PCDHGA3: variants seen among roughly 807,000 people sequenced by gnomAD.
PCDHGA3 encodes protocadherin gamma-A3.
Under a neutral mutation model 58.5 loss-of-function variants are expected in PCDHGA3, and 40 were observed. The ratio of observed to expected loss-of-function variants is 0.68; its 90% CI spans 0.53 to 0.89. The LOEUF is 0.89. Among genes scored for constraint, PCDHGA3 ranks in the 40% least tolerant of loss-of-function variants. The probability of loss-of-function intolerance (pLI) is 0.00; values close to 1 mark genes in which losing one functional copy is unlikely to be tolerated. For missense variants in PCDHGA3, 1,223 were observed against 1,195.9 expected (o/e 1.02, Z -0.33); for synonymous variants, 530 against 525.7 (o/e 1.01, Z -0.11).
chr5:141,419,258 C>G lies in PCDHGA3; in HGVS notation c.2424+72801C>G, dbSNP rs761740232. The G allele has an allele frequency of 2.5e-6, 4 of 1,614,028 alleles. No individual in the cohort carries two copies. The Admixed American group carries it at 6.7e-5, about 27-fold the overall frequency. ...GGTCCACGTGCCAGAAAACAACCAG[C>G]CGGGTGCCTCCATAGCGCAAGTCAG... On this transcript the variant is annotated intron_variant, in intron 1 of 3. Transcript: ENST00000253812.
intron 1 of PCDHGA3, chr5:141,384,826 G>T: frequency 6.2e-7 from 1 of 1,613,472 alleles, no homozygotes; most frequent in Non-Finnish European, 8.5e-7. Context: ...GCAGAGCCTC[G>T]TGGTGGCCGT....
chr5:141,403,490 C>T, intron 1 of PCDHGA3: 1 of 1,614,044 alleles, frequency 6.2e-7, no homozygotes, highest in South Asian at 1.1e-5. Flanking sequence ...CCACTTCTCC[C>T]TGAACGTGCA....
chr5:141,494,021 G>C (rs1036188621), intron 1 of PCDHGA3, among the ~76,000 whole-genome samples: 2 of 152,158 alleles, frequency 1.3e-5, no homozygotes, highest in African/African-American at 2.4e-5. Context: ...CCCCTTGGGA[G>C]CCCTGGAGAC....
Position 141,485,486 on chromosome 5 carries a change from C to T in PCDHGA3, c.2425-9321C>T, listed in dbSNP as rs2099614522. 6 of 1,614,102 alleles carry T rather than the reference C, an allele frequency of 3.7e-6. No individual in the cohort carries two copies. The highest frequency in any genetic ancestry group is 2.2e-5 in the East Asian group (1 of 44,866). The stretch of plus-strand genomic sequence containing the variant: ...TGGGCTCAGTGCCAGCTGCATCGTG[C>T]CCCTGGAGTTTGTCACCGAAGGTCC... On this transcript the variant is annotated intron_variant, in intron 1 of 3. Coordinates refer to ENST00000253812, the MANE Select transcript of PCDHGA3 (RefSeq NM_018916.4). This position sits in a 1 kb window ranked among gnomAD's most constrained non-coding sequence, Gnocchi z 5.7.
At chr5:141,464,982 T>A (rs914697541) in intron 1 of PCDHGA3, among the ~76,000 whole-genome samples, 1 of 152,030 alleles carries the variant, frequency 6.6e-6, no homozygotes, top group Non-Finnish European at 1.5e-5. Context: ...CTTCAAGTGA[T>A]CCTCCCACCT....
intron 1 of PCDHGA3, chr5:141,419,465 G>A (rs568864628): frequency 1.9e-6 from 3 of 1,612,544 alleles, no homozygotes; most frequent in South Asian, 1.1e-5. Context: ...GCAGGCCCGC[G>A]ACCAGGGCTC....
intron 1 of PCDHGA3, among the ~76,000 whole-genome samples, chr5:141,353,347 CATTA>C (rs1036670182): frequency 5.9e-5 from 9 of 152,262 alleles, no homozygotes; most frequent in African/African-American, 1.9e-4. Flanking sequence ...TCATCAATTA[CATTA>C]ATTATGTAAT....
Position 141,490,849 on chromosome 5 carries a change from C to T in PCDHGA3, c.2425-3958C>T, listed in dbSNP as rs200640560. The stretch of plus-strand genomic sequence containing the variant: ...GATGCTGCAGATTGTGGTGGGGGTT[C>T]GAGACTCCGGCTCTCCCCCATTGCA... On this transcript the variant is annotated intron_variant, in intron 1 of 3. Coordinates refer to ENST00000253812, the MANE Select transcript of PCDHGA3 (RefSeq NM_018916.4). This position sits in a 1 kb window ranked among gnomAD's most constrained non-coding sequence, Gnocchi z 5.4. The T allele has an allele frequency of 1.3e-5, 21 of 1,613,748 alleles. No individual in the cohort carries two copies. Among genetic ancestry groups the T allele is most frequent in the Admixed American group, 1.7e-5 (1 of 60,022 alleles).
intron 1 of PCDHGA3, among the ~76,000 whole-genome samples, chr5:141,368,092 A>G (rs1319696119): frequency 6.6e-6 from 1 of 152,216 alleles, no homozygotes; most frequent in South Asian, 2.1e-4. Context: ...TTTGCTGAAG[A>G]TGATTTTCAG....
rs1314264090 is a variant in PCDHGA3, at chr5:141,490,459, C to T, written c.2425-4348C>T. 7 of 1,614,100 alleles carry T rather than the reference C, an allele frequency of 4.3e-6. No homozygotes were observed. Among genetic ancestry groups the T allele is most frequent in the Non-Finnish European group, 5.9e-6 (7 of 1,180,040 alleles). ...GCCTTCTGAGAACCACTACTCGCTG[C>T]TAACCAGCCAGCCTTTGGACCGGGA... On this transcript the variant is annotated intron_variant, in intron 1 of 3. Coordinates refer to ENST00000253812, the MANE Select transcript of PCDHGA3 (RefSeq NM_018916.4). The surrounding 1 kb of genome is among the most constrained non-coding windows in gnomAD (Gnocchi z 5.4).
rs185786686 is a variant in PCDHGA3 at position 141,384,098 on chromosome 5, A to G, written c.2424+37641A>G. 9.4e-3 allele frequency: 14,953 copies of G among 1,596,884 alleles called. 110 individuals carry two copies. The highest frequency in any genetic ancestry group is 0.01 in the Non-Finnish European group (12,057 of 1,171,020). On this transcript the variant is annotated intron_variant, in intron 1 of 3. Transcript: ENST00000253812. ...TTTAAATTAGAAAAATCAATAGATA[A>G]TTATTATAGATTGGTCACAACCAAA... is the stretch of plus-strand genomic sequence containing the variant.
chr5:141,403,850 G>A lies in PCDHGA3; in HGVS notation c.2424+57393G>A, dbSNP rs368454282. The A allele has an allele frequency of 1.4e-5, 23 of 1,613,634 alleles. No individual in the cohort carries two copies. In the African/African-American group the frequency reaches 3.1e-4, roughly 22 times the overall value. On this transcript the variant is annotated intron_variant, in intron 1 of 3. Coordinates refer to ENST00000253812, the MANE Select transcript of PCDHGA3 (RefSeq NM_018916.4). Reference sequence around the variant, plus strand: ...ATTCCAGCTTAATGAAAATACTGGGGAAATATCAACAGCAAAAAGTCTAGA... The same window carrying A: ...ATTCCAGCTTAATGAAAATACTGGGAAAATATCAACAGCAAAAAGTCTAGA...
In PCDHGA3 at chr5:141,352,251, T is replaced by C. The variant is rs201454130; in HGVS notation, c.2424+5794T>C. ...CTGCACCTAATCTTCGCGGATAGCC[T>C]GCAAGAGGTATTGCCAGACCTCAGC... On this transcript the variant is annotated intron_variant, in intron 1 of 3. Coordinates refer to ENST00000253812, the MANE Select transcript of PCDHGA3 (RefSeq NM_018916.4). 14 of 1,614,082 alleles carry C rather than the reference T, an allele frequency of 8.7e-6. No homozygotes were observed. The highest frequency in any genetic ancestry group is 1.1e-5 in the Non-Finnish European group (13 of 1,179,902).
At chr5:141,391,324 T>C (rs1246568740) in intron 1 of PCDHGA3, 2 of 151,644 alleles carry the variant, frequency 1.3e-5, no homozygotes, top group Non-Finnish European at 2.9e-5. Context: ...TTTCTTTTTT[T>C]TTTTTTGAGA....
At chr5:141,403,589 A>ACGGCCT in intron 1 of PCDHGA3, 2 of 1,613,812 alleles carry the variant, frequency 1.2e-6, no homozygotes, top group Non-Finnish European at 1.7e-6. Context: ...CCTGGTCCTC[A>ACGGCCT]CGGCCTCGGA....
intron 1 of PCDHGA3, chr5:141,408,124 G>A: frequency 1.4e-6 from 2 of 1,478,862 alleles, no homozygotes; most frequent in Non-Finnish European, 1.8e-6. Context: ...CCTGTCCTGG[G>A]CCGAATGCTC....
chr5:141,500,175 CA>C (rs762724660), intron 2 of PCDHGA3, among the ~76,000 whole-genome samples: 15 of 147,258 alleles, frequency 1.0e-4, no homozygotes, highest in Non-Finnish European at 1.5e-4. Flanking sequence ...GCATGAGCTT[CA>C]TTTTTATTTT....
At chr5:141,428,070 T>G (rs756684090) in intron 1 of PCDHGA3, 7 of 1,609,106 alleles carry the variant, frequency 4.4e-6, no homozygotes, top group Non-Finnish European at 5.1e-6. Context: ...GGACGCAGAT[T>G]CGGGACACAA....
At chr5:141,374,976 C>G (rs774690686) in intron 1 of PCDHGA3, 1 of 1,613,898 alleles carries the variant, frequency 6.2e-7, no homozygotes, top group African/African-American at 1.3e-5. Flanking sequence ...AATGTTTTGA[C>G]TGGAGAAATT....
Sources: allele counts gnomAD v4.1 joint callset (sites outside exome capture counted in the v4.1 genomes callset), GRCh38; gene constraint gnomAD v4.1.1; non-coding constraint Gnocchi (gnomAD v3.1); transcripts MANE v1.5; gene names NCBI Gene and HGNC (gene_info 2026-07-23, HGNC 2026-07-21).